APBB2: variants seen among roughly 807,000 people sequenced by gnomAD.
APBB2 encodes the protein Fe65-like 1.
In APBB2, 38 loss-of-function variants were observed where a neutral mutation model predicts 82.5. The observed-to-expected ratio is 0.46, with a 90% CI of 0.36 to 0.60. The LOEUF (loss-of-function observed/expected upper bound fraction) is 0.60. Ranked by LOEUF, APBB2 falls within the 20% of genes least tolerant of loss-of-function variation. APBB2 has a pLI of 0.00. For synonymous variants in APBB2, 341 were observed against 368.2 expected, an observed-to-expected ratio of 0.93 and a Z score of 0.85; for missense variants, 772 against 972.3, an observed-to-expected ratio of 0.79 and a Z score of 2.74.
At chr4:40,977,422 C>T (rs930795456) in intron 6 of APBB2, among the ~76,000 whole-genome samples, 2 of 151,658 alleles carry the variant, frequency 1.3e-5, no homozygotes, top group African/African-American at 4.8e-5. Flanking sequence ...AAGCGATTCT[C>T]ATGCTACAGC....
At chr4:40,989,914 ACTGT>A (rs879464437) in intron 6 of APBB2, among the ~76,000 whole-genome samples, 5 of 152,218 alleles carry the variant, frequency 3.3e-5, no homozygotes, top group Non-Finnish European at 5.9e-5. Context: ...TCTTCAATAA[ACTGT>A]CTGCTCAACT....
intron 12 of APBB2, among the ~76,000 whole-genome samples, chr4:40,831,989 CACAT>C (rs1015053577): frequency 1.0e-4 from 14 of 139,522 alleles, no homozygotes; most frequent in African/African-American, 3.4e-4. Context: ...TTTACACACA[CACAT>C]ATTTATATAT....
intron 17 of APBB2, among the ~76,000 whole-genome samples, chr4:40,819,189 C>T (rs56106406): frequency 0.24 from 15,371 of 63,646 alleles, 588 homozygotes; most frequent in Non-Finnish European, 0.27. Context: ...TTTTTTTTTT[C>T]TTTTTTTTTT....
intron 12 of APBB2, among the ~76,000 whole-genome samples, chr4:40,849,291 T>C (rs570525192): frequency 3.4e-4 from 52 of 152,358 alleles, no homozygotes; most frequent in Non-Finnish European, 1.5e-4. Flanking sequence ...TATTAATCTC[T>C]TATGACTCTA....
At chr4:41,164,351 G>T (rs879208436) in intron 1 of APBB2, among the ~76,000 whole-genome samples, 2 of 152,178 alleles carry the variant, frequency 1.3e-5, no homozygotes. Context: ...GAGATAAAAC[G>T]TAAGCAGTGT....
intron 6 of APBB2, among the ~76,000 whole-genome samples, chr4:40,948,435 G>C (rs1317516168): frequency 3.3e-5 from 5 of 152,246 alleles, no homozygotes; most frequent in African/African-American, 1.2e-4. Context: ...AGCCGGGCTT[G>C]TTGGCACGTG....
intron 17 of APBB2, among the ~76,000 whole-genome samples, chr4:40,820,316 C>T (rs1166916939): frequency 1.3e-5 from 2 of 152,200 alleles, no homozygotes; most frequent in Non-Finnish European, 2.9e-5. Context: ...CAGCCTTGTT[C>T]CTCCAACCTA....
intron 1 of APBB2, among the ~76,000 whole-genome samples, chr4:41,213,921 G>A (rs1279305462): frequency 6.6e-6 from 1 of 152,200 alleles, no homozygotes; most frequent in Non-Finnish European, 1.5e-5. Flanking sequence ...AGAGACAGCC[G>A]AGCGGCACAG....
At chr4:40,907,379 A>ATTTTTT (rs55814804) in intron 10 of APBB2, among the ~76,000 whole-genome samples, 5 of 37,398 alleles carry the variant, frequency 1.3e-4, no homozygotes, top group African/African-American at 3.7e-4. Context: ...ATATATATAT[A>ATTTTTT]TTTTTTTTTT....
At chr4:41,129,615 T>C (rs1207646372) in intron 2 of APBB2, among the ~76,000 whole-genome samples, 2 of 152,214 alleles carry the variant, frequency 1.3e-5, no homozygotes, top group Non-Finnish European at 2.9e-5. Context: ...TTTGCTTTGT[T>C]TGTTTTTAAT....
intron 2 of APBB2, among the ~76,000 whole-genome samples, chr4:41,139,054 T>C (rs1157190570): frequency 1.3e-5 from 2 of 152,126 alleles, no homozygotes; most frequent in Non-Finnish European, 1.5e-5. Context: ...GAAAGCAATA[T>C]AACACTGTTG....
chr4:41,077,313 A>AT (rs954833685), intron 3 of APBB2, among the ~76,000 whole-genome samples: 6 of 150,868 alleles, frequency 4.0e-5, no homozygotes, highest in South Asian at 2.1e-4. Flanking sequence ...ACAGCCAGGG[A>AT]TTTTTTTTTA....
At chr4:40,965,045 G>A (rs976710463) in intron 6 of APBB2, among the ~76,000 whole-genome samples, 8 of 152,036 alleles carry the variant, frequency 5.3e-5, no homozygotes, top group Admixed American at 2.6e-4. Context: ...GCTTGAACTC[G>A]GGAGGTGGAG....
intron 1 of APBB2, among the ~76,000 whole-genome samples, chr4:41,201,475 T>C (rs938400204): frequency 6.6e-6 from 1 of 152,244 alleles, no homozygotes; most frequent in Non-Finnish European, 1.5e-5. Flanking sequence ...AATATCTTGA[T>C]TACTTGCTCT....
At chr4:40,833,228 C>T (rs1752671627) in intron 12 of APBB2, among the ~76,000 whole-genome samples, 1 of 152,254 alleles carries the variant, frequency 6.6e-6, no homozygotes, top group Non-Finnish European at 1.5e-5. Context: ...GGCCAAATCT[C>T]CCCAAAGCTC....
intron 5 of APBB2, among the ~76,000 whole-genome samples, chr4:41,021,278 A>G (rs1250235142): frequency 6.6e-6 from 1 of 152,220 alleles, no homozygotes; most frequent in Non-Finnish European, 1.5e-5. Context: ...GCCCCTATCC[A>G]GCAGGAAGTG....
At chr4:41,116,302 C>T (rs999934794) in intron 2 of APBB2, among the ~76,000 whole-genome samples, 10 of 151,988 alleles carry the variant, frequency 6.6e-5, no homozygotes, top group East Asian at 1.9e-4. Context: ...GATCACACAC[C>T]GGGGCCTGTC....
chr4:41,168,748 G>A (rs557157338), intron 1 of APBB2, among the ~76,000 whole-genome samples: 5 of 152,178 alleles, frequency 3.3e-5, no homozygotes, highest in Admixed American at 1.3e-4. Flanking sequence ...TCTTCAGTTA[G>A]GAAGATTACC....
intron 4 of APBB2, among the ~76,000 whole-genome samples, chr4:41,056,058 G>A (rs1206165246): frequency 1.3e-5 from 2 of 152,084 alleles, no homozygotes; most frequent in East Asian, 3.9e-4. Context: ...GCCAGGCATG[G>A]TGGCAGGTGC....
Sources: gnomAD v4.1 joint callset for allele counts (sites outside exome capture counted in the v4.1 genomes callset) on GRCh38, gnomAD v4.1.1 for gene constraint, MANE v1.5 for transcripts, NCBI Gene and HGNC (gene_info 2026-07-23, HGNC 2026-07-21) for gene names.